JAZF1: variants seen among roughly 807,000 people sequenced by gnomAD.
JAZF1 encodes the protein juxtaposed with another zinc finger protein 1.
In JAZF1, 8 loss-of-function variants were observed where a neutral mutation model predicts 26.4. The ratio of observed to expected loss-of-function variants is 0.30; its 90% CI spans 0.18 to 0.55. The LOEUF is 0.55. Among genes scored for constraint, JAZF1 ranks in the 20% least tolerant of loss-of-function variants. JAZF1 has a pLI of 0.94. For missense variants in JAZF1, 199 were observed against 322.0 expected, an observed-to-expected ratio of 0.62 and a Z score of 2.92; for synonymous variants, 126 against 122.3, an observed-to-expected ratio of 1.03 and a Z score of -0.20.
intron 2 of JAZF1, among the ~76,000 whole-genome samples, chr7:27,924,428 A>C (rs1784580734): frequency 1.3e-5 from 2 of 152,356 alleles, no homozygotes; most frequent in Admixed American, 1.3e-4. Context: ...CTGCAGCCAA[A>C]TTCAGAAATG....
At chr7:28,147,196 G>A (rs1211376456) in intron 1 of JAZF1, among the ~76,000 whole-genome samples, 3 of 151,872 alleles carry the variant, frequency 2.0e-5, no homozygotes, top group African/African-American at 7.3e-5. Context: ...ATACTTACTG[G>A]TTGAGCATCC....
intron 1 of JAZF1, among the ~76,000 whole-genome samples, chr7:28,053,878 T>A (rs1308347836): frequency 6.6e-6 from 1 of 152,012 alleles, no homozygotes; most frequent in Admixed American, 6.6e-5. Context: ...CCACCCCACC[T>A]CACACCCCGA....
chr7:27,941,905 G>A (rs56901033), intron 2 of JAZF1, among the ~76,000 whole-genome samples: 1 of 152,066 alleles, frequency 6.6e-6, no homozygotes, highest in African/African-American at 2.4e-5. Flanking sequence ...AGGGGGAGGG[G>A]ACAGGCAAGG....
chr7:28,096,453 C>T (rs1245632499), intron 1 of JAZF1, among the ~76,000 whole-genome samples: 1 of 152,220 alleles, frequency 6.6e-6, no homozygotes, highest in Non-Finnish European at 1.5e-5. Flanking sequence ...GAAAATCTTA[C>T]TATCCACTAT....
At chr7:27,838,962 G>C (rs1317711560) in intron 4 of JAZF1, among the ~76,000 whole-genome samples, 2 of 152,188 alleles carry the variant, frequency 1.3e-5, no homozygotes. Flanking sequence ...TGGGTGGAGA[G>C]AGAACACTCA....
chr7:27,884,379 C>T (rs1783823656), intron 3 of JAZF1, among the ~76,000 whole-genome samples: 1 of 152,236 alleles, frequency 6.6e-6, no homozygotes, highest in Admixed American at 6.5e-5. Context: ...ATTCTCCCAC[C>T]TCAGCCTCCC....
At chr7:28,137,347 T>C (rs932561299) in intron 1 of JAZF1, among the ~76,000 whole-genome samples, 3 of 152,148 alleles carry the variant, frequency 2.0e-5, no homozygotes, top group Non-Finnish European at 4.4e-5. Context: ...CGGAGACCAG[T>C]CAACTGCTCA....
chr7:27,843,162 G>A (rs1001708618), intron 3 of JAZF1: 8 of 152,178 alleles, frequency 5.3e-5, no homozygotes, highest in African/African-American at 1.9e-4. Flanking sequence ...AGGCAAGGTG[G>A]GACACACACC....
intron 3 of JAZF1, among the ~76,000 whole-genome samples, chr7:27,849,774 C>CACACACACACACACACACACACA: frequency 6.7e-6 from 1 of 150,182 alleles, no homozygotes; most frequent in East Asian, 2.0e-4. Context: ...CACACACACA[C>CACACACACACACACACACACACA]CCCTACACCT....
chr7:28,106,754 A>G (rs1784558949), intron 1 of JAZF1, among the ~76,000 whole-genome samples: 1 of 152,236 alleles, frequency 6.6e-6, no homozygotes, highest in Admixed American at 6.5e-5. Flanking sequence ...TGAAGGCTGC[A>G]TATAAATACT....
Position 28,009,331 on chromosome 7 carries a change from ATC to A in JAZF1, c.116-17352_116-17351del, listed in dbSNP as rs199509709. Reference sequence around the variant, plus strand: ...AGCCCACACCTTCCTACTTTAGCCAATCAGTTCAGTGTTTTTACAGTATTTTT... The same window carrying A: ...AGCCCACACCTTCCTACTTTAGCCAAAGTTCAGTGTTTTTACAGTATTTTT... On this transcript the variant is annotated intron_variant, in intron 1 of 4. Coordinates refer to ENST00000283928, the MANE Select transcript of JAZF1 (RefSeq NM_175061.4). Among the ~76,000 whole-genome samples the A allele has an allele frequency of 4.5e-3, 687 of 152,238 alleles. 9 individuals carry two copies. Among genetic ancestry groups the A allele is most frequent in the East Asian group, 0.032 (166 of 5,184 alleles).
At chr7:27,834,590 C>T (rs1211188578) in intron 4 of JAZF1, among the ~76,000 whole-genome samples, 1 of 152,192 alleles carries the variant, frequency 6.6e-6, no homozygotes, top group Non-Finnish European at 1.5e-5. Context: ...GGTTTCAGAG[C>T]CTACTGGGGC....
chr7:27,920,666 C>T (rs1784513173), intron 2 of JAZF1, among the ~76,000 whole-genome samples: 1 of 152,298 alleles, frequency 6.6e-6, no homozygotes, highest in South Asian at 2.1e-4. Context: ...GCAAGTGCCT[C>T]CAGCTGTCTG....
At chr7:28,067,993 A>AACCTCC (rs1452592066) in intron 1 of JAZF1, among the ~76,000 whole-genome samples, 1 of 152,052 alleles carries the variant, frequency 6.6e-6, no homozygotes, top group Non-Finnish European at 1.5e-5. Flanking sequence ...AGCTCACTGA[A>AACCTCC]ACCTCCACCT....
chr7:28,178,631 G>A lies in JAZF1; in HGVS notation c.115+1832C>T, dbSNP rs558987007. Among the ~76,000 whole-genome samples, 5 of 152,204 alleles carry A rather than the reference G, an allele frequency of 3.3e-5. No homozygotes were observed. The East Asian group carries it at 7.7e-4, about 23-fold the overall frequency. Reference sequence around the variant, plus strand: ...ATTTCTACCAGAACTTCACAGTACCGGTGTTTTCGCTTTATTTTAAACTAG... The same window carrying A: ...ATTTCTACCAGAACTTCACAGTACCAGTGTTTTCGCTTTATTTTAAACTAG... On this transcript the variant is annotated intron_variant, in intron 1 of 4. Transcript: ENST00000283928.
intron 1 of JAZF1, among the ~76,000 whole-genome samples, chr7:28,158,186 C>CACACACACACAG (rs149643430): frequency 0.028 from 4,056 of 143,370 alleles, 195 homozygotes; most frequent in East Asian, 0.15. Context: ...CACACACACA[C>CACACACACACAG]AGAGAGAGAG....
intron 2 of JAZF1, among the ~76,000 whole-genome samples, chr7:27,957,296 T>C (rs1157993440): frequency 1.3e-5 from 2 of 152,160 alleles, no homozygotes; most frequent in Non-Finnish European, 2.9e-5. Context: ...AGTAGTTCAG[T>C]GCTTAATTAT....
rs141567077 is a variant in JAZF1, at chr7:27,893,896, C to T, written c.385+1324G>A. Among the ~76,000 whole-genome samples the T allele has an allele frequency of 9.7e-3, 1,482 of 152,290 alleles. 8 individuals carry two copies. Among genetic ancestry groups the T allele is most frequent in the Non-Finnish European group, 0.016 (1,057 of 68,022 alleles). ...CTCAGGGTCCAGAGTGCGCTCTGGT[C>T]AGCTACCACCCTGGGGTAAGCTGAG... is the stretch of plus-strand genomic sequence containing the variant. On this transcript the variant is annotated intron_variant, in intron 3 of 4. Coordinates refer to ENST00000283928, the MANE Select transcript of JAZF1 (RefSeq NM_175061.4).
chr7:27,898,375 C>T (rs146194744), intron 2 of JAZF1, among the ~76,000 whole-genome samples: 15 of 144,788 alleles, frequency 1.0e-4, no homozygotes, highest in East Asian at 4.0e-4. Flanking sequence ...TGCAGTGGCA[C>T]GATCTCGGCT....
Sources: gnomAD v4.1 joint callset for allele counts (sites outside exome capture counted in the v4.1 genomes callset) on GRCh38, gnomAD v4.1.1 for gene constraint, MANE v1.5 for transcripts, NCBI Gene and HGNC (gene_info 2026-07-23, HGNC 2026-07-21) for gene names.